The following CCSER1 variants were observed in gnomAD, a reference collection of about 807,000 sequenced individuals.
CCSER1 encodes serine-rich coiled-coil domain-containing protein 1.
A neutral mutation model predicts 82.0 loss-of-function variants in CCSER1; 41 were observed. The ratio of observed to expected loss-of-function variants is 0.50; its 90% CI spans 0.39 to 0.65. The LOEUF (loss-of-function observed/expected upper bound fraction) is 0.65. Ranked by LOEUF, CCSER1 falls within the 30% of genes least tolerant of loss-of-function variation. The pLI, the probability that CCSER1 is intolerant of heterozygous loss-of-function variation, is 0.00. For synonymous variants in CCSER1, 414 were observed against 383.9 expected (o/e 1.08, Z -0.92); for missense variants, 1,119 against 1,064.2 (o/e 1.05, Z -0.72).
chr4:90,689,884 G>A (rs1735506902), intron 6 of CCSER1, among the ~76,000 whole-genome samples: 1 of 152,062 alleles, frequency 6.6e-6, no homozygotes. Context: ...AGGATGGGAG[G>A]CAGTGAGGTT....
At chr4:91,387,212 G>A (rs1578334527) in intron 10 of CCSER1, among the ~76,000 whole-genome samples, 1 of 151,730 alleles carries the variant, frequency 6.6e-6, no homozygotes, top group East Asian at 1.9e-4. Flanking sequence ...TATATACATA[G>A]ACATACACAC....
intron 10 of CCSER1, among the ~76,000 whole-genome samples, chr4:91,541,839 C>T (rs1560749812): frequency 6.6e-6 from 1 of 152,140 alleles, no homozygotes; most frequent in South Asian, 2.1e-4. Context: ...TTTACAGTCC[C>T]ACCAACAGTG....
intron 10 of CCSER1, among the ~76,000 whole-genome samples, chr4:91,285,994 A>C (rs1743248340): frequency 6.6e-6 from 1 of 150,854 alleles, no homozygotes; most frequent in South Asian, 2.1e-4. Context: ...ATTTCTACCT[A>C]CATCACAAGG....
chr4:91,001,768 A>G (rs2150478413), intron 9 of CCSER1, among the ~76,000 whole-genome samples: 1 of 152,198 alleles, frequency 6.6e-6, no homozygotes. Context: ...GTTAGTATTG[A>G]TATGTGAGGT....
At position 90,889,393 on chromosome 4, in the gene CCSER1, C is replaced by A. The variant is rs193163351; in HGVS notation, c.2095-33977C>A. On this transcript the variant is annotated intron_variant, in intron 8 of 10. Coordinates refer to ENST00000509176, the MANE Select transcript of CCSER1 (RefSeq NM_001145065.2). ...TCTCCTACCCCTCCTTCTCCCCACG[C>A]AAGTTAAGTAATATTAGACAAACCT... is the stretch of plus-strand genomic sequence containing the variant. 2.4e-3 allele frequency among the ~76,000 whole-genome samples: 369 copies of A among 152,238 alleles called. 2 individuals carry two copies. The highest frequency in any genetic ancestry group is 0.014 in the Admixed American group (219 of 15,276).
intron 4 of CCSER1, among the ~76,000 whole-genome samples, chr4:90,400,853 G>A (rs550226091): frequency 6.6e-6 from 1 of 152,116 alleles, no homozygotes; most frequent in African/African-American, 2.4e-5. Context: ...TTTTTTTGTT[G>A]CTAATAATGT....
intron 10 of CCSER1, among the ~76,000 whole-genome samples, chr4:91,575,864 G>A (rs1251627342): frequency 6.6e-6 from 1 of 151,914 alleles, no homozygotes; most frequent in Non-Finnish European, 1.5e-5. Flanking sequence ...GGGTTGGAAG[G>A]GGTGTAGAGA....
At chr4:91,519,710 A>G (rs1438124930) in intron 10 of CCSER1, among the ~76,000 whole-genome samples, 1 of 152,240 alleles carries the variant, frequency 6.6e-6, no homozygotes, top group African/African-American at 2.4e-5. Flanking sequence ...CTATTTCCCT[A>G]TGGAGGGGGT....
At chr4:91,312,467 G>C (rs535470731) in intron 10 of CCSER1, among the ~76,000 whole-genome samples, 1 of 151,892 alleles carries the variant, frequency 6.6e-6, no homozygotes, top group Admixed American at 6.6e-5. Flanking sequence ...GGATATACTG[G>C]TGAACGAAAG....
intron 5 of CCSER1, among the ~76,000 whole-genome samples, chr4:90,511,700 G>A (rs1771537859): frequency 6.6e-6 from 1 of 152,176 alleles, no homozygotes; most frequent in Non-Finnish European, 1.5e-5. Flanking sequence ...TACAATCTGA[G>A]GAGAAAGCAG....
chr4:91,596,107 CTTCT>C (rs2110355151), intron 10 of CCSER1, among the ~76,000 whole-genome samples: 1 of 152,056 alleles, frequency 6.6e-6, no homozygotes, highest in East Asian at 1.9e-4. Context: ...CCACATGTGC[CTTCT>C]AAGTACCAGA....
At chr4:91,146,668 G>C (rs1435316377) in intron 10 of CCSER1, among the ~76,000 whole-genome samples, 1 of 151,152 alleles carries the variant, frequency 6.6e-6, no homozygotes, top group Non-Finnish European at 1.5e-5. Flanking sequence ...GGTGTATGTT[G>C]TTTATAGTCA....
intron 5 of CCSER1, among the ~76,000 whole-genome samples, chr4:90,504,640 A>G (rs1770419132): frequency 2.6e-5 from 4 of 152,236 alleles, no homozygotes; most frequent in Admixed American, 2.6e-4. Context: ...GCAAGAGCTC[A>G]GTTATTTTCC....
At chr4:91,183,102 T>C (rs1168279355) in intron 10 of CCSER1, among the ~76,000 whole-genome samples, 2 of 152,262 alleles carry the variant, frequency 1.3e-5, no homozygotes, top group African/African-American at 4.8e-5. Flanking sequence ...ATGTGAGTGA[T>C]GTAAAATGGG....
At chr4:90,635,358 G>T (rs1370906605) in intron 6 of CCSER1, among the ~76,000 whole-genome samples, 3 of 151,508 alleles carry the variant, frequency 2.0e-5, no homozygotes, top group Non-Finnish European at 4.4e-5. Context: ...CATCTATGGG[G>T]TACATTTTTT....
At chr4:91,551,612 ATTTG>A (rs1470315801) in intron 10 of CCSER1, among the ~76,000 whole-genome samples, 2 of 151,342 alleles carry the variant, frequency 1.3e-5, no homozygotes, top group Non-Finnish European at 2.9e-5. Flanking sequence ...TCCTTAAAAT[ATTTG>A]TTTCTCTTGA....
intron 8 of CCSER1, among the ~76,000 whole-genome samples, chr4:90,898,783 C>T (rs1046880851): frequency 1.3e-5 from 2 of 151,738 alleles, no homozygotes; most frequent in South Asian, 4.2e-4. Flanking sequence ...TCTGGGTTCT[C>T]TATTCTGTTC....
At chr4:91,079,363 C>G (rs191703606) in intron 9 of CCSER1, among the ~76,000 whole-genome samples, 9 of 152,134 alleles carry the variant, frequency 5.9e-5, no homozygotes, top group Admixed American at 6.5e-5. Context: ...CTTTTACAGA[C>G]AAGCAAATGC....
intron 4 of CCSER1, among the ~76,000 whole-genome samples, chr4:90,430,664 C>CT (rs756123909): frequency 6.6e-6 from 1 of 151,784 alleles, no homozygotes; most frequent in African/African-American, 2.4e-5. Context: ...ATACAGCAAA[C>CT]TTTTTTTCAA....
Sources: gnomAD v4.1 joint callset for allele counts (sites outside exome capture counted in the v4.1 genomes callset) on GRCh38, gnomAD v4.1.1 for gene constraint, MANE v1.5 for transcripts, NCBI Gene and HGNC (gene_info 2026-07-23, HGNC 2026-07-21) for gene names.